Variants in RAB25 observed in about 807,000 individuals in gnomAD.
RAB25 encodes the protein ras-related protein Rab-25.
RAB25 carries 23 observed loss-of-function variants against 25.2 expected under a neutral mutation model. That is an observed-to-expected ratio of 0.91 (90% CI 0.66 to 1.29). RAB25 has a LOEUF of 1.29. Among genes scored for constraint, RAB25 ranks in the 50% most tolerant of loss-of-function variants. The pLI is 0.00. For missense variants in RAB25, 244 were observed against 277.3 expected (o/e 0.88, Z 0.85); for synonymous variants, 102 against 111.5 (o/e 0.91, Z 0.54).
chr1:156,068,002 C>T (rs983221632), intron 2 of RAB25, among the ~76,000 whole-genome samples: 1 of 152,218 alleles, frequency 6.6e-6, no homozygotes, highest in Non-Finnish European at 1.5e-5. Flanking sequence ...ATCCACCCGC[C>T]TTGGCCTCCC....
At chr1:156,066,134 G>A (rs370710378) in intron 2 of RAB25, 28 bp downstream of exon 2, 1 of 1,507,126 alleles carries the variant, frequency 6.6e-7, no homozygotes, top group South Asian at 1.3e-5. Context: ...GGGCTGCTGG[G>A]TGGTGGGAGT....
chr1:156,067,642 G>A (rs1032007870), intron 2 of RAB25, among the ~76,000 whole-genome samples: 1 of 152,238 alleles, frequency 6.6e-6, no homozygotes, highest in Non-Finnish European at 1.5e-5. Flanking sequence ...AAGCCCAGAT[G>A]TGCACTGGTG....
intron 1 of RAB25, among the ~76,000 whole-genome samples, chr1:156,062,109 C>A (rs1647600780): frequency 1.3e-5 from 2 of 152,070 alleles, no homozygotes; most frequent in African/African-American, 4.8e-5. Flanking sequence ...GAAAGGGAAA[C>A]CAGCAAACAA....
chr1:156,068,222 C>T, intron 2 of RAB25, 48 bp from the exon 3 acceptor site: 1 of 1,489,580 alleles, frequency 6.7e-7, no homozygotes, highest in Non-Finnish European at 9.3e-7. Context: ...GATGCTGGGT[C>T]CAATGCCTCT....
chr1:156,066,925 G>A (rs1647763226), intron 2 of RAB25, among the ~76,000 whole-genome samples: 1 of 149,202 alleles, frequency 6.7e-6, no homozygotes, highest in Admixed American at 6.7e-5. Flanking sequence ...GGGTGACAAA[G>A]CGATACTGTG....
chr1:156,064,696 T>C (rs1161873181), intron 1 of RAB25, among the ~76,000 whole-genome samples: 3 of 152,188 alleles, frequency 2.0e-5, no homozygotes, highest in African/African-American at 7.2e-5. Context: ...ATTACAGGCG[T>C]GAACCTCCAC....
At chr1:156,067,117 C>T (rs1189237252) in intron 2 of RAB25, among the ~76,000 whole-genome samples, 2 of 151,148 alleles carry the variant, frequency 1.3e-5, no homozygotes, top group African/African-American at 4.9e-5. Context: ...CCTGTAATCC[C>T]AACTACTCGG....
At chr1:156,069,245 G>A (rs915389367) in intron 3 of RAB25, among the ~76,000 whole-genome samples, 2 of 151,970 alleles carry the variant, frequency 1.3e-5, no homozygotes, top group African/African-American at 2.4e-5. Flanking sequence ...GCAGTGGCAC[G>A]ATCTTGGCTC....
In RAB25 at chr1:156,068,558, A is replaced by G; in HGVS notation, c.433+95A>G. On this transcript the variant is annotated intron_variant, in intron 3 of 4. Transcript: ENST00000361084. Reference sequence around the variant, plus strand: ...CCCTGCCCCCACCCATAGAGCCCCTAGCCTGGCCTTCCTCCATACAGTCCT... The same window carrying G: ...CCCTGCCCCCACCCATAGAGCCCCTGGCCTGGCCTTCCTCCATACAGTCCT... 5 of 1,278,238 alleles carry G rather than the reference A, an allele frequency of 3.9e-6. No individual in the cohort carries two copies. In the South Asian group the frequency reaches 4.1e-5, roughly 10 times the overall value. 79.2% of individuals were successfully genotyped at this position (1,278,238 alleles called of 1,614,324 possible). A position where few individuals can be genotyped will look rare whatever the true frequency, so the allele number is the denominator to read the frequency against.
At chr1:156,066,507 G>A (rs1052763483) in intron 2 of RAB25, among the ~76,000 whole-genome samples, 2 of 152,122 alleles carry the variant, frequency 1.3e-5, no homozygotes, top group Non-Finnish European at 2.9e-5. Flanking sequence ...GATCGAGAGC[G>A]CCCCCTCACT....
At chr1:156,065,888 C>T in intron 1 of RAB25, 23 bp from the exon 2 acceptor site, 2 of 1,566,688 alleles carry the variant, frequency 1.3e-6, no homozygotes, top group African/African-American at 2.7e-5. Flanking sequence ...CCATGCTCAG[C>T]CCTTATCTCT....
rs1386895883 is a variant in RAB25, at chr1:156,070,366, C to G, written c.*79C>G. On this transcript the variant is annotated 3_prime_UTR_variant, in exon 5 of 5. Transcript: ENST00000361084. ...TTCAGCCCCAGGACCTTTCCTTGCC[C>G]TTTGGTTCCAGATATCAGACTGTTC... is the stretch of plus-strand genomic sequence containing the variant. 2 of 1,550,818 alleles carry G rather than the reference C, an allele frequency of 1.3e-6. No homozygotes were observed. Among genetic ancestry groups the G allele is most frequent in the African/African-American group, 2.7e-5 (2 of 73,036 alleles).
In RAB25 at chr1:156,068,203, C is replaced by T. The variant is rs981423055; in HGVS notation, c.240-67C>T. On this transcript the variant is annotated intron_variant, in intron 2 of 4. Transcript: ENST00000361084. The stretch of plus-strand genomic sequence containing the variant: ...GATCCCGGGTGTTCCAGCTTGACGG[C>T]TCTGCTCTGATGCTGGGTCCAATGC... The T allele has an allele frequency of 1.9e-4, 259 of 1,389,644 alleles. 1 individual carries two copies. The highest frequency in any genetic ancestry group is 5.7e-4 in the South Asian group (48 of 83,712). The allele number at this position is 1,389,644 out of a possible 1,614,324, so 86.1% of individuals were successfully genotyped here. A position where few individuals can be genotyped will look rare whatever the true frequency, so the allele number is the denominator to read the frequency against.
At chr1:156,063,573 A>T (rs566448355) in intron 1 of RAB25, among the ~76,000 whole-genome samples, 46 of 152,322 alleles carry the variant, frequency 3.0e-4, no homozygotes, top group Admixed American at 7.8e-4. Context: ...GAGCTCTGTG[A>T]TTGCCTCACC....
chr1:156,062,023 G>A (rs553175568), intron 1 of RAB25, among the ~76,000 whole-genome samples: 1 of 151,972 alleles, frequency 6.6e-6, no homozygotes, highest in South Asian at 2.1e-4. Flanking sequence ...CTCATGATCC[G>A]CCTACCTCGG....
chr1:156,066,501 G>A (rs1229179934), intron 2 of RAB25, among the ~76,000 whole-genome samples: 1 of 152,140 alleles, frequency 6.6e-6, no homozygotes, highest in African/African-American at 2.4e-5. Context: ...TGCACGGATC[G>A]AGAGCGCCCC....
At chr1:156,063,372 C>T (rs1647647447) in intron 1 of RAB25, among the ~76,000 whole-genome samples, 2 of 152,132 alleles carry the variant, frequency 1.3e-5, no homozygotes, top group Non-Finnish European at 2.9e-5. Flanking sequence ...AGGATGGTCT[C>T]GATCTCTTGA....
chr1:156,066,660 C>T (rs762931002), intron 2 of RAB25, among the ~76,000 whole-genome samples: 5 of 152,128 alleles, frequency 3.3e-5, no homozygotes, highest in African/African-American at 4.8e-5. Flanking sequence ...TCTCTTAGGC[C>T]GGGTGTGTTG....
chr1:156,068,259 T>C lies in RAB25; in HGVS notation c.240-11T>C. On this transcript the variant is annotated splice_polypyrimidine_tract_variant and intron_variant, in intron 2 of 4. Transcript: ENST00000361084. ...ATCGTATCTCTGTCCATCCTTCTCA[T>C]TCCCACCCAGGTACTATCGTGGTGC... 1.2e-6 allele frequency: 2 copies of C among 1,602,674 alleles called. No homozygotes were observed. The highest frequency in any genetic ancestry group is 1.7e-6 in the Non-Finnish European group (2 of 1,170,020).
Sources: gnomAD v4.1 joint callset for allele counts (sites outside exome capture counted in the v4.1 genomes callset) on GRCh38, gnomAD v4.1.1 for gene constraint, MANE v1.5 for transcripts, NCBI Gene and HGNC (gene_info 2026-07-23, HGNC 2026-07-21) for gene names.